The following THNSL1 variants were observed in gnomAD, a reference collection of about 807,000 sequenced individuals.
THNSL1 encodes threonine synthase like 1, also known as threonine synthase-like 1.
THNSL1 carries 48 observed loss-of-function variants against 50.4 expected under a neutral mutation model. The ratio of observed to expected loss-of-function variants is 0.95; its 90% confidence interval spans 0.76 to 1.21. The LOEUF is 1.21. Among genes scored for constraint, THNSL1 ranks in the 50% most tolerant of loss-of-function variants. THNSL1 has a pLI of 0.00. For synonymous variants in THNSL1, 309 were observed against 306.1 expected (o/e 1.01, Z -0.10); for missense variants, 896 against 871.7 (o/e 1.03, Z -0.35).
the THNSL1 span, among the ~76,000 whole-genome samples, chr10:24,967,071 A>G: frequency 3.9e-5 from 6 of 152,234 alleles, no homozygotes; most frequent in Non-Finnish European, 5.9e-5. Context: ...TGCTTTGCAC[A>G]TCATAACAGG....
At chr10:25,011,609 A>C in the THNSL1 span, among the ~76,000 whole-genome samples, 1 of 152,212 alleles carries the variant, frequency 6.6e-6, no homozygotes, top group South Asian at 2.1e-4. Context: ...CTTAAACGTT[A>C]GACCTGCAAC....
the THNSL1 span, among the ~76,000 whole-genome samples, chr10:24,976,719 C>G: frequency 4.1e-3 from 625 of 152,186 alleles, 3 homozygotes; most frequent in African/African-American, 0.014. Context: ...GTCTTGAACT[C>G]CTGACCTCAG....
the THNSL1 span, among the ~76,000 whole-genome samples, chr10:25,009,127 G>T: frequency 2.0e-5 from 3 of 152,154 alleles, no homozygotes; most frequent in Admixed American, 2.0e-4. Context: ...GAGAGGGGAG[G>T]GATAGCATTA....
At chr10:24,970,901 G>A in the THNSL1 span, among the ~76,000 whole-genome samples, 1 of 151,966 alleles carries the variant, frequency 6.6e-6, no homozygotes, top group Admixed American at 6.6e-5. Context: ...GCACCCACCT[G>A]TAATCTCAGC....
chr10:25,000,299 G>A, the THNSL1 span, among the ~76,000 whole-genome samples: 7 of 152,056 alleles, frequency 4.6e-5, no homozygotes, highest in Admixed American at 1.3e-4. Flanking sequence ...ATGTTGTGCC[G>A]CTGTTGGCTG....
the THNSL1 span, among the ~76,000 whole-genome samples, chr10:24,953,856 C>T: frequency 6.6e-6 from 1 of 152,208 alleles, no homozygotes; most frequent in African/African-American, 2.4e-5. Flanking sequence ...TCAGACTTGG[C>T]GCCCTGGTCC....
the THNSL1 span, among the ~76,000 whole-genome samples, chr10:24,986,514 GA>G: frequency 6.6e-6 from 1 of 152,254 alleles, no homozygotes; most frequent in African/African-American, 2.4e-5. Context: ...CTTTCATTAT[GA>G]AATGTGAAAG....
chr10:24,960,951 A>G, the THNSL1 span, among the ~76,000 whole-genome samples: 1 of 152,220 alleles, frequency 6.6e-6, no homozygotes, highest in African/African-American at 2.4e-5. Flanking sequence ...TTGGGACTGT[A>G]GGATCCATGG....
the THNSL1 span, among the ~76,000 whole-genome samples, chr10:24,954,907 T>G: frequency 1.3e-5 from 2 of 152,198 alleles, no homozygotes; most frequent in African/African-American, 4.8e-5. Flanking sequence ...AATCTTGCAT[T>G]ATGAGGATTT....
the THNSL1 span, among the ~76,000 whole-genome samples, chr10:24,977,542 T>C: frequency 6.6e-6 from 1 of 152,156 alleles, no homozygotes; most frequent in Non-Finnish European, 1.5e-5. Flanking sequence ...TAGATGTCCA[T>C]CAATAGGGTA....
chr10:25,007,040 T>C, the THNSL1 span, among the ~76,000 whole-genome samples: 4 of 152,218 alleles, frequency 2.6e-5, no homozygotes, highest in Non-Finnish European at 5.9e-5. Flanking sequence ...TGATAAAACG[T>C]TTAAAAATTG....
chr10:24,972,420 A>G, the THNSL1 span, among the ~76,000 whole-genome samples: 1 of 151,882 alleles, frequency 6.6e-6, no homozygotes, highest in Non-Finnish European at 1.5e-5. Flanking sequence ...AGGCAGGAGA[A>G]TCATTTGAAC....
chr10:24,966,223 A>G, the THNSL1 span, among the ~76,000 whole-genome samples: 1 of 152,232 alleles, frequency 6.6e-6, no homozygotes, highest in Admixed American at 6.5e-5. Context: ...TCACTTACAC[A>G]ATTTGCCATT....
the THNSL1 span, among the ~76,000 whole-genome samples, chr10:24,993,665 T>G: frequency 6.6e-6 from 1 of 152,236 alleles, no homozygotes; most frequent in Non-Finnish European, 1.5e-5. Context: ...AAAAGTAAAT[T>G]GAGTAAGTCT....
chr10:24,979,884 C>T, the THNSL1 span, among the ~76,000 whole-genome samples: 692 of 152,322 alleles, frequency 4.5e-3, 6 homozygotes, highest in Non-Finnish European at 7.6e-3. Flanking sequence ...GCCCCGCCCC[C>T]GCCTCCCCAC....
the THNSL1 span, among the ~76,000 whole-genome samples, chr10:24,992,488 T>C: frequency 6.6e-6 from 1 of 152,200 alleles, no homozygotes; most frequent in South Asian, 2.1e-4. Context: ...GATGTAGCCA[T>C]ATGCCCTGAA....
chr10:25,016,443 G>T (rs1850576008), upstream of THNSL1, among the ~76,000 whole-genome samples: 2 of 152,240 alleles, frequency 1.3e-5, no homozygotes, highest in South Asian at 2.1e-4. Flanking sequence ...TTGTGAGCAG[G>T]CCCCAATCGC....
At chr10:25,018,053 G>A (rs959022496) in intron 1 of THNSL1, among the ~76,000 whole-genome samples, 6 of 152,142 alleles carry the variant, frequency 3.9e-5, no homozygotes, top group Non-Finnish European at 5.9e-5. Flanking sequence ...CTGGCCTTTG[G>A]TAGCCTTGAT....
At chr10:24,988,688 A>ATGTGTATATATATGTG in the THNSL1 span, among the ~76,000 whole-genome samples, 1 of 29,166 alleles carries the variant, frequency 3.4e-5, no homozygotes, top group Admixed American at 4.1e-4. Context: ...ATATATATAT[A>ATGTGTATATATATGTG]TATATATATA....
Sources: allele counts gnomAD v4.1 joint callset (sites outside exome capture counted in the v4.1 genomes callset), GRCh38; gene constraint gnomAD v4.1.1; transcripts MANE v1.5; gene names NCBI Gene and HGNC (gene_info 2026-07-23, HGNC 2026-07-21).